ZMAT4: variants seen among roughly 807,000 people sequenced by gnomAD.
The protein encoded by ZMAT4 is zinc finger matrin-type 4.
ZMAT4 carries 17 observed loss-of-function variants against 28.7 expected under a neutral mutation model. The observed-to-expected ratio is 0.59, with a 90% CI of 0.41 to 0.89. The LOEUF is 0.89. Ranked by LOEUF, ZMAT4 falls within the 40% of genes least tolerant of loss-of-function variation. ZMAT4 has a pLI of 0.00. For synonymous variants in ZMAT4, 117 were observed against 109.2 expected (o/e 1.07, Z -0.44); for missense variants, 240 against 283.8 (o/e 0.85, Z 1.11).
At chr8:40,540,720 C>T (rs1428429873) in intron 6 of ZMAT4, among the ~76,000 whole-genome samples, 1 of 152,178 alleles carries the variant, frequency 6.6e-6, no homozygotes, top group Non-Finnish European at 1.5e-5. Context: ...GGCGGTCTTG[C>T]TGAAGTCTGT....
intron 6 of ZMAT4, among the ~76,000 whole-genome samples, chr8:40,553,554 G>A (rs1321510175): frequency 6.6e-6 from 1 of 152,112 alleles, no homozygotes; most frequent in Non-Finnish European, 1.5e-5. Context: ...GCAACAGGTG[G>A]CTGTGAGGAC....
intron 2 of ZMAT4, among the ~76,000 whole-genome samples, chr8:40,800,642 C>T (rs981627157): frequency 2.8e-5 from 4 of 145,110 alleles, no homozygotes; most frequent in African/African-American, 1.0e-4. Flanking sequence ...AAACAATACA[C>T]TTCTGAATAA....
intron 5 of ZMAT4, among the ~76,000 whole-genome samples, chr8:40,630,571 A>C (rs1222698388): frequency 3.9e-5 from 6 of 152,232 alleles, no homozygotes; most frequent in Non-Finnish European, 8.8e-5. Flanking sequence ...AGTATTTGGC[A>C]GTGGTTGACT....
At position 40,551,855 on chromosome 8, in the gene ZMAT4, A is replaced by G. The variant is rs181450790; in HGVS notation, c.675-19617T>C. Reference sequence around the variant, plus strand: ...ATAAAGTTTGAAAACTTAGATTCAAATCTCAGTTTTTCTCCTTGCAGTGAG... The same window carrying G: ...ATAAAGTTTGAAAACTTAGATTCAAGTCTCAGTTTTTCTCCTTGCAGTGAG... On this transcript the variant is annotated intron_variant, in intron 6 of 6. Transcript: ENST00000297737. Among the ~76,000 whole-genome samples, 120 of 152,242 alleles carry G rather than the reference A, an allele frequency of 7.9e-4. 1 individual carries two copies. Among genetic ancestry groups the G allele is most frequent in the Middle Eastern group, 3.4e-3 (1 of 294 alleles).
intron 1 of ZMAT4, among the ~76,000 whole-genome samples, chr8:40,885,440 G>T (rs376295005): frequency 1.3e-5 from 2 of 152,124 alleles, no homozygotes; most frequent in Admixed American, 6.5e-5. Context: ...CTCCGAGGGC[G>T]CCTCTGCCTC....
intron 2 of ZMAT4, among the ~76,000 whole-genome samples, chr8:40,798,757 A>G (rs924078597): frequency 6.6e-6 from 1 of 151,684 alleles, no homozygotes; most frequent in African/African-American, 2.4e-5. Flanking sequence ...TCTCAACATT[A>G]CTTCCTAAGG....
chr8:40,614,794 C>T (rs1805936599), intron 5 of ZMAT4, among the ~76,000 whole-genome samples: 1 of 152,182 alleles, frequency 6.6e-6, no homozygotes, highest in Admixed American at 6.5e-5. Context: ...CTTCCTCCAT[C>T]CCTTTATTTT....
At chr8:40,656,614 T>A (rs2118839410) in intron 5 of ZMAT4, among the ~76,000 whole-genome samples, 1 of 152,258 alleles carries the variant, frequency 6.6e-6, no homozygotes, top group Admixed American at 6.5e-5. Flanking sequence ...ATGAATGATG[T>A]ACTGATACAT....
chr8:40,726,140 T>A (rs1811307967), intron 3 of ZMAT4, among the ~76,000 whole-genome samples: 1 of 152,236 alleles, frequency 6.6e-6, no homozygotes, highest in African/African-American at 2.4e-5. Context: ...TAAAGACTTT[T>A]CCATTTCCCT....
chr8:40,795,054 T>C (rs1814529547), intron 2 of ZMAT4, among the ~76,000 whole-genome samples: 1 of 152,150 alleles, frequency 6.6e-6, no homozygotes, highest in Admixed American at 6.5e-5. Context: ...TGCACCTTTA[T>C]TTCTCCACTT....
chr8:40,742,454 T>C (rs1483397210), intron 3 of ZMAT4, among the ~76,000 whole-genome samples: 1 of 151,632 alleles, frequency 6.6e-6, no homozygotes, highest in East Asian at 1.9e-4. Context: ...TCAATCTATA[T>C]CCCACTGTTA....
intron 1 of ZMAT4, among the ~76,000 whole-genome samples, chr8:40,837,964 A>C (rs966258190): frequency 3.4e-4 from 52 of 152,200 alleles, no homozygotes; most frequent in African/African-American, 1.1e-3. Flanking sequence ...GCCTTGCAGA[A>C]TCTGCTTTGC....
chr8:40,849,111 C>A (rs556262508), intron 1 of ZMAT4, among the ~76,000 whole-genome samples: 1 of 152,346 alleles, frequency 6.6e-6, no homozygotes, highest in East Asian at 1.9e-4. Context: ...CCGGGTCAGG[C>A]CTGCACAGCT....
chr8:40,532,672 A>G (rs1236242209), intron 6 of ZMAT4, among the ~76,000 whole-genome samples: 2 of 143,458 alleles, frequency 1.4e-5, no homozygotes, highest in African/African-American at 5.2e-5. Flanking sequence ...CCACTCATTC[A>G]GAATTTTCTC....
At chr8:40,778,673 C>T (rs1486389044) in intron 2 of ZMAT4, among the ~76,000 whole-genome samples, 1 of 152,222 alleles carries the variant, frequency 6.6e-6, no homozygotes, top group African/African-American at 2.4e-5. Context: ...TCCAACTTTA[C>T]AGGCCTTAGG....
intron 1 of ZMAT4, 90 bp from the exon 2 acceptor site, chr8:40,825,770 A>T: frequency 9.7e-7 from 1 of 1,028,802 alleles, no homozygotes; most frequent in Non-Finnish European, 1.4e-6. Context: ...GGATCACAGT[A>T]ACAGGTCTGA....
At chr8:40,718,566 G>T (rs1032640122) in intron 3 of ZMAT4, among the ~76,000 whole-genome samples, 2 of 152,112 alleles carry the variant, frequency 1.3e-5, no homozygotes, top group African/African-American at 4.8e-5. Context: ...CTGGGCAAAG[G>T]TGGAGGAAAA....
intron 5 of ZMAT4, among the ~76,000 whole-genome samples, chr8:40,581,636 C>A (rs1479390723): frequency 6.6e-6 from 1 of 152,128 alleles, no homozygotes; most frequent in Non-Finnish European, 1.5e-5. Flanking sequence ...AAACTCTATC[C>A]TAATTCCTTT....
intron 5 of ZMAT4, among the ~76,000 whole-genome samples, chr8:40,600,150 T>C (rs1163388130): frequency 6.6e-6 from 1 of 152,238 alleles, no homozygotes; most frequent in Non-Finnish European, 1.5e-5. Flanking sequence ...CATGTGTGTG[T>C]ATACATGTAT....
Sources: gnomAD v4.1 joint callset for allele counts (sites outside exome capture counted in the v4.1 genomes callset) on GRCh38, gnomAD v4.1.1 for gene constraint, MANE v1.5 for transcripts, NCBI Gene and HGNC (gene_info 2026-07-23, HGNC 2026-07-21) for gene names.